OR2L13: variants seen among roughly 807,000 people sequenced by gnomAD.
OR2L13 encodes the protein olfactory receptor 2L13.
A neutral mutation model predicts 15.3 loss-of-function variants in OR2L13; 14 were observed. The ratio of observed to expected loss-of-function variants is 0.91; its 90% CI spans 0.60 to 1.43. The LOEUF (loss-of-function observed/expected upper bound fraction) is 1.43, where lower values mean the gene tolerates loss of function less well. Among genes scored for constraint, OR2L13 ranks in the 40% most tolerant of loss-of-function variants. The probability of loss-of-function intolerance (pLI) is 0.00; values close to 1 mark genes in which losing one functional copy is unlikely to be tolerated. For synonymous variants in OR2L13, 152 were observed against 142.9 expected (o/e 1.06, Z -0.45); for missense variants, 367 against 387.9 (o/e 0.95, Z 0.45).
chr1:248,002,959 G>A, the OR2L13 span, among the ~76,000 whole-genome samples: 1 of 152,092 alleles, frequency 6.6e-6, no homozygotes, highest in Non-Finnish European at 1.5e-5. Context: ...ATAGAATTCA[G>A]CTATAATCCA....
chr1:248,050,685 A>G, the OR2L13 span, among the ~76,000 whole-genome samples: 1 of 152,206 alleles, frequency 6.6e-6, no homozygotes, highest in South Asian at 2.1e-4. Flanking sequence ...TATGTAAAAC[A>G]CAAATGATAC....
At chr1:247,973,248 G>T in the OR2L13 span, among the ~76,000 whole-genome samples, 1 of 151,862 alleles carries the variant, frequency 6.6e-6, no homozygotes, top group Non-Finnish European at 1.5e-5. Flanking sequence ...CACCACTCCT[G>T]GGCAACATAG....
chr1:248,069,918 G>A, the OR2L13 span, among the ~76,000 whole-genome samples: 1 of 152,148 alleles, frequency 6.6e-6, no homozygotes, highest in South Asian at 2.1e-4. Flanking sequence ...TCAACTAGAA[G>A]AGCTAACTAT....
At chr1:247,979,420 T>G in the OR2L13 span, among the ~76,000 whole-genome samples, 2 of 152,210 alleles carry the variant, frequency 1.3e-5, no homozygotes, top group Non-Finnish European at 2.9e-5. Context: ...TGTTTGGTTT[T>G]CTGTCCTTGT....
the OR2L13 span, among the ~76,000 whole-genome samples, chr1:248,060,211 A>G: frequency 5.3e-5 from 8 of 152,312 alleles, no homozygotes; most frequent in African/African-American, 1.9e-4. Flanking sequence ...GCAGTAAAAC[A>G]TTATTCTATT....
the OR2L13 span, chr1:248,060,756 C>T: frequency 6.2e-7 from 1 of 1,614,050 alleles, no homozygotes; most frequent in South Asian, 1.1e-5. Flanking sequence ...TTGGCCTTTT[C>T]CTCTTCATCC....
chr1:248,019,012 G>A, the OR2L13 span, among the ~76,000 whole-genome samples: 1 of 152,040 alleles, frequency 6.6e-6, no homozygotes, highest in Admixed American at 6.5e-5. Context: ...GTCCATGTAT[G>A]TACTCACTAC....
At chr1:248,075,299 G>T in the OR2L13 span, among the ~76,000 whole-genome samples, 3 of 150,514 alleles carry the variant, frequency 2.0e-5, no homozygotes, top group East Asian at 3.9e-4. Flanking sequence ...TGTGAATAGT[G>T]CCACAATAAA....
chr1:248,085,436 T>TAAAATAAAATAAAAA, the OR2L13 span, among the ~76,000 whole-genome samples: 1 of 84,552 alleles, frequency 1.2e-5, no homozygotes, highest in African/African-American at 4.5e-5. Flanking sequence ...TAAAATAAAA[T>TAAAATAAAATAAAAA]AATAAAATAA....
the OR2L13 span, among the ~76,000 whole-genome samples, chr1:247,951,868 A>C: frequency 6.6e-6 from 1 of 152,172 alleles, no homozygotes; most frequent in Non-Finnish European, 1.5e-5. Context: ...CCCTACTGCC[A>C]CCTGCACTGC....
chr1:248,081,702 T>G, the OR2L13 span, among the ~76,000 whole-genome samples: 1 of 152,190 alleles, frequency 6.6e-6, no homozygotes, highest in Non-Finnish European at 1.5e-5. Context: ...TAGCAAACTT[T>G]TAGTCTTAAA....
At chr1:247,955,234 C>T in the OR2L13 span, among the ~76,000 whole-genome samples, 6 of 151,974 alleles carry the variant, frequency 3.9e-5, no homozygotes, top group Admixed American at 1.3e-4. Flanking sequence ...TTGCTGAGAA[C>T]GATGGTTTCC....
At chr1:248,004,225 G>A in the OR2L13 span, among the ~76,000 whole-genome samples, 4 of 152,152 alleles carry the variant, frequency 2.6e-5, no homozygotes, top group Non-Finnish European at 5.9e-5. Flanking sequence ...GTTTTACAAA[G>A]ATGTATATAA....
the OR2L13 span, among the ~76,000 whole-genome samples, chr1:248,086,012 C>T: frequency 6.8e-6 from 1 of 147,192 alleles, no homozygotes; most frequent in Admixed American, 6.6e-5. Flanking sequence ...ATTGAACTTT[C>T]TAAAAAGATT....
chr1:247,952,269 A>C, the OR2L13 span, among the ~76,000 whole-genome samples: 1 of 152,126 alleles, frequency 6.6e-6, no homozygotes, highest in African/African-American at 2.4e-5. Context: ...CAGGAAGTGA[A>C]TGACATCATG....
the OR2L13 span, among the ~76,000 whole-genome samples, chr1:248,027,321 T>C: frequency 6.6e-6 from 1 of 152,210 alleles, no homozygotes; most frequent in Non-Finnish European, 1.5e-5. Flanking sequence ...AATGACAATG[T>C]GTGCCCAAAA....
chr1:248,036,093 A>G, the OR2L13 span, among the ~76,000 whole-genome samples: 1 of 152,172 alleles, frequency 6.6e-6, no homozygotes, highest in African/African-American at 2.4e-5. Flanking sequence ...ATGCCATCTG[A>G]ATATGGTGGC....
At chr1:248,069,821 A>C in the OR2L13 span, among the ~76,000 whole-genome samples, 1 of 152,302 alleles carries the variant, frequency 6.6e-6, no homozygotes, top group South Asian at 2.1e-4. Flanking sequence ...CAGGGGTTGC[A>C]ATCCTAGTCT....
the OR2L13 span, among the ~76,000 whole-genome samples, chr1:247,953,982 A>G: frequency 6.6e-6 from 1 of 152,140 alleles, no homozygotes; most frequent in Non-Finnish European, 1.5e-5. Flanking sequence ...TGTTTCTAAA[A>G]GTATAAAGAC....
Sources: gnomAD v4.1 joint callset for allele counts (sites outside exome capture counted in the v4.1 genomes callset) on GRCh38, gnomAD v4.1.1 for gene constraint, MANE v1.5 for transcripts, NCBI Gene and HGNC (gene_info 2026-07-23, HGNC 2026-07-21) for gene names.